DIAPH3: variants seen among roughly 807,000 people sequenced by gnomAD.
DIAPH3 encodes diaphanous related formin 3, also known as protein diaphanous homolog 3.
Under a neutral mutation model 144.3 loss-of-function variants are expected in DIAPH3, and 117 were observed. The observed-to-expected ratio is 0.81, with a 90% CI of 0.70 to 0.95. DIAPH3 has a LOEUF of 0.95. DIAPH3 is among the 40% of genes least tolerant of loss of function. DIAPH3 has a pLI of 0.00. For synonymous variants in DIAPH3, 519 were observed against 488.9 expected, an observed-to-expected ratio of 1.06 and a Z score of -0.81; for missense variants, 1,421 against 1,412.7, an observed-to-expected ratio of 1.01 and a Z score of -0.09.
intron 3 of DIAPH3, among the ~76,000 whole-genome samples, chr13:60,099,919 G>A (rs1197664517): frequency 1.2e-5 from 1 of 85,490 alleles, no homozygotes; most frequent in Middle Eastern, 5.5e-3. Flanking sequence ...AAGGAAGGAA[G>A]GAAGGAAGGA....
At chr13:59,881,685 A>G (rs1428763085) in intron 20 of DIAPH3, among the ~76,000 whole-genome samples, 1 of 152,144 alleles carries the variant, frequency 6.6e-6, no homozygotes, top group East Asian at 1.9e-4. Context: ...CACTAGGGAC[A>G]GGTACCTTGA....
intron 25 of DIAPH3, among the ~76,000 whole-genome samples, chr13:59,806,687 T>A (rs1050425747): frequency 6.6e-6 from 1 of 151,952 alleles, no homozygotes; most frequent in African/African-American, 2.4e-5. Context: ...AGGAACCTTT[T>A]TATTCTTATT....
intron 17 of DIAPH3, among the ~76,000 whole-genome samples, chr13:59,959,667 C>T (rs1475055784): frequency 6.6e-6 from 1 of 152,122 alleles, no homozygotes; most frequent in Non-Finnish European, 1.5e-5. Flanking sequence ...ATGTGGGTGG[C>T]CTCTAGCGAC....
chr13:59,794,049 T>C (rs1593872716), intron 25 of DIAPH3, among the ~76,000 whole-genome samples: 1 of 152,202 alleles, frequency 6.6e-6, no homozygotes, highest in Non-Finnish European at 1.5e-5. Context: ...ATTCAATAAA[T>C]TACATGAGAT....
intron 5 of DIAPH3, among the ~76,000 whole-genome samples, chr13:60,037,239 T>C (rs1429724798): frequency 6.6e-6 from 1 of 151,892 alleles, no homozygotes; most frequent in African/African-American, 2.4e-5. Flanking sequence ...TAAGGAATCT[T>C]AATAATATAC....
intron 27 of DIAPH3, among the ~76,000 whole-genome samples, chr13:59,764,520 T>C (rs1362381372): frequency 6.6e-6 from 1 of 150,872 alleles, no homozygotes; most frequent in African/African-American, 2.4e-5. Flanking sequence ...TTACCCCTAG[T>C]ACCTGTGAAT....
chr13:59,878,840 T>C (rs1205927073), intron 21 of DIAPH3, among the ~76,000 whole-genome samples: 1 of 152,108 alleles, frequency 6.6e-6, no homozygotes, highest in Non-Finnish European at 1.5e-5. Flanking sequence ...CAGAGAAATA[T>C]TTAAATAGTT....
intron 25 of DIAPH3, among the ~76,000 whole-genome samples, chr13:59,776,983 A>G (rs9317091): frequency 0.66 from 100,468 of 152,014 alleles, 33,683 homozygotes; most frequent in East Asian, 0.71. Context: ...CTATAGTAGC[A>G]TCAATGAGCA....
intron 2 of DIAPH3, among the ~76,000 whole-genome samples, chr13:60,129,306 T>C (rs1290914821): frequency 4.6e-5 from 7 of 152,208 alleles, no homozygotes; most frequent in African/African-American, 1.7e-4. Context: ...AGTTATAAGC[T>C]AAACATTTAT....
intron 2 of DIAPH3, among the ~76,000 whole-genome samples, chr13:60,126,928 T>A (rs941024694): frequency 6.6e-6 from 1 of 151,742 alleles, no homozygotes; most frequent in Admixed American, 6.6e-5. Flanking sequence ...AACAAAGGTA[T>A]TAAATCAATG....
intron 5 of DIAPH3, among the ~76,000 whole-genome samples, chr13:60,022,944 G>A (rs1321477141): frequency 1.3e-5 from 2 of 151,986 alleles, no homozygotes; most frequent in Non-Finnish European, 2.9e-5. Flanking sequence ...AAGGATTTTT[G>A]TATCTATACT....
intron 27 of DIAPH3, among the ~76,000 whole-genome samples, chr13:59,676,517 T>A (rs988781448): frequency 6.6e-6 from 1 of 152,228 alleles, no homozygotes; most frequent in Non-Finnish European, 1.5e-5. Flanking sequence ...GTTCCTTCAG[T>A]GATCATGAGT....
intron 23 of DIAPH3, 199 bp downstream of exon 23, chr13:59,839,125 G>A (rs2042199924): frequency 1.4e-5 from 7 of 496,304 alleles, no homozygotes; most frequent in East Asian, 4.1e-5. Context: ...TAAACAAACA[G>A]ACAGACAGAC....
At chr13:60,088,233 G>C (rs2057815563) in intron 4 of DIAPH3, among the ~76,000 whole-genome samples, 1 of 151,834 alleles carries the variant, frequency 6.6e-6, no homozygotes, top group Non-Finnish European at 1.5e-5. Context: ...TCTCTACTAA[G>C]TATTCTTGGA....
At chr13:59,880,162 G>A (rs1032166134) in intron 20 of DIAPH3, among the ~76,000 whole-genome samples, 5 of 152,160 alleles carry the variant, frequency 3.3e-5, no homozygotes, top group African/African-American at 1.2e-4. Flanking sequence ...GGAATGTGGG[G>A]GACTGGAGGT....
chr13:59,842,184 G>A (rs943770312), intron 22 of DIAPH3, among the ~76,000 whole-genome samples: 1 of 151,772 alleles, frequency 6.6e-6, no homozygotes, highest in African/African-American at 2.4e-5. Flanking sequence ...GGGTGAGTGT[G>A]CAGTTATATA....
chr13:60,008,982 T>C (rs1159915869), intron 8 of DIAPH3, among the ~76,000 whole-genome samples: 2 of 152,120 alleles, frequency 1.3e-5, no homozygotes, highest in Non-Finnish European at 2.9e-5. Flanking sequence ...GTATTATAGA[T>C]TAGGAGACTA....
chr13:60,049,441 C>T (rs951930314), intron 4 of DIAPH3, among the ~76,000 whole-genome samples: 2 of 152,184 alleles, frequency 1.3e-5, no homozygotes, highest in Admixed American at 6.6e-5. Flanking sequence ...AAGGATTCTG[C>T]ATTCCCACCT....
At chr13:59,812,895 C>T (rs920349645) in intron 24 of DIAPH3, among the ~76,000 whole-genome samples, 8 of 152,114 alleles carry the variant, frequency 5.3e-5, no homozygotes, top group South Asian at 2.1e-4. Context: ...ACCTTTGTTT[C>T]GAACTATCTT....
Sources: gnomAD v4.1 joint callset for allele counts (sites outside exome capture counted in the v4.1 genomes callset) on GRCh38, gnomAD v4.1.1 for gene constraint, MANE v1.5 for transcripts, NCBI Gene and HGNC (gene_info 2026-07-23, HGNC 2026-07-21) for gene names.